Variants in GRIK4 observed in about 807,000 individuals in gnomAD.
GRIK4 encodes the protein glutamate receptor ionotropic, kainate 4.
Under a neutral mutation model 104.9 loss-of-function variants are expected in GRIK4, and 40 were observed. The observed-to-expected ratio is 0.38, with a 90% CI of 0.30 to 0.50. GRIK4 has a LOEUF of 0.50. Among genes scored for constraint, GRIK4 ranks in the 20% least tolerant of loss-of-function variants. GRIK4 has a pLI of 0.93. For missense variants in GRIK4, 1,047 were observed against 1,308.1 expected (o/e 0.80, Z 3.08); for synonymous variants, 485 against 524.9 (o/e 0.92, Z 1.04).
intron 3 of GRIK4, among the ~76,000 whole-genome samples, chr11:120,755,371 C>T (rs747734944): frequency 5.3e-5 from 8 of 152,098 alleles, no homozygotes; most frequent in South Asian, 2.1e-4. Flanking sequence ...CTTTGGAGGC[C>T]GATGTGGGAG....
chr11:120,710,319 G>A (rs377223876), intron 3 of GRIK4, among the ~76,000 whole-genome samples: 1 of 152,180 alleles, frequency 6.6e-6, no homozygotes, highest in African/African-American at 2.4e-5. Flanking sequence ...GCTGAGATGA[G>A]CTGGGCCGAG....
At position 120,952,859 on chromosome 11, in the gene GRIK4, G is replaced by T; in HGVS notation, c.1595G>T (p.Arg532Leu). The change falls in exon 15 of 21, where the codon CGC becomes CTC. Residue 532 changes from arginine (R) to leucine (L), a missense_variant. Physicochemically the swap from Arg to Leu is moderately radical, Grantham distance 102 (BLOSUM62 -2). This residue lies in a region of GRIK4 where 440 missense variants were observed against 652.3 expected (regional missense o/e 0.67). Transcript: ENST00000527524. The surrounding 1 kb of genome is among the most constrained non-coding windows in gnomAD (Gnocchi z 5.2). Reference sequence around the variant, plus strand: ...TGTTTTTCTCTCCATTTCCAGGGACGCAAACCCGGCTATTTCTCCTTCCTG... The same window carrying T: ...TGTTTTTCTCTCCATTTCCAGGGACTCAAACCCGGCTATTTCTCCTTCCTG... ...ISILYRVHMG[R>L]KPGYFSFLDP... The T allele has an allele frequency of 6.2e-7, 1 of 1,609,568 alleles. No homozygotes were observed. The highest frequency in any genetic ancestry group is 8.5e-7 in the Non-Finnish European group (1 of 1,175,874).
chr11:120,834,614 G>T (rs1023199413), intron 7 of GRIK4, among the ~76,000 whole-genome samples: 1 of 152,194 alleles, frequency 6.6e-6, no homozygotes, highest in Non-Finnish European at 1.5e-5. Flanking sequence ...AGGATGGGAA[G>T]CAGAGTGGGC....
chr11:120,905,625 C>T lies in GRIK4; in HGVS notation c.1476+132C>T, dbSNP rs1942852212. 1.4e-6 allele frequency: 1 copy of T among 699,978 alleles called. No individual in the cohort carries two copies. Among genetic ancestry groups the T allele is most frequent in the Non-Finnish European group, 2.5e-6 (1 of 400,996 alleles). 43.4% of individuals were successfully genotyped at this position (699,978 alleles called of 1,614,324 possible). A position where few individuals can be genotyped will look rare whatever the true frequency, so the allele number is the denominator to read the frequency against. On this transcript the variant is annotated intron_variant, in intron 13 of 20. Coordinates refer to ENST00000527524, the MANE Select transcript of GRIK4 (RefSeq NM_014619.5). This position sits in a 1 kb window ranked among gnomAD's most constrained non-coding sequence, Gnocchi z 5.1. ...TTCATGCATTTGTCATTTATTTGTC[C>T]ACTCATTCTATAAATCTTGCCTGGA...
chr11:120,600,028 C>T (rs151336980), intron 1 of GRIK4, among the ~76,000 whole-genome samples: 4,142 of 152,326 alleles, frequency 0.027, 70 homozygotes, highest in Middle Eastern at 0.037. Context: ...ATCAGAAAAG[C>T]TCTAGAAGCG....
intron 2 of GRIK4, among the ~76,000 whole-genome samples, chr11:120,658,556 C>A (rs904172966): frequency 2.0e-5 from 3 of 151,848 alleles, no homozygotes; most frequent in Admixed American, 6.6e-5. Flanking sequence ...TTTTTAAAAT[C>A]ATTATAGTGA....
chr11:120,840,622 G>C (rs1953688704), intron 8 of GRIK4, among the ~76,000 whole-genome samples: 1 of 152,058 alleles, frequency 6.6e-6, no homozygotes, highest in Non-Finnish European at 1.5e-5. Flanking sequence ...TGAGGCAGGG[G>C]GTCAAAAGTC....
At chr11:120,567,787 T>C (rs775738733) in intron 1 of GRIK4, among the ~76,000 whole-genome samples, 2 of 152,220 alleles carry the variant, frequency 1.3e-5, no homozygotes, top group Admixed American at 6.5e-5. Context: ...GTATGTCTTA[T>C]GTGACAGTGT....
intron 1 of GRIK4, among the ~76,000 whole-genome samples, chr11:120,640,139 G>A (rs993068038): frequency 6.6e-6 from 1 of 152,192 alleles, no homozygotes; most frequent in Non-Finnish European, 1.5e-5. Context: ...TAGCGTGAAA[G>A]CAAGTTTATT....
chr11:120,648,807 GAAACAAAC>G (rs112945166), intron 1 of GRIK4, among the ~76,000 whole-genome samples: 98,646 of 151,140 alleles, frequency 0.65, 32,251 homozygotes, highest in African/African-American at 0.7. Flanking sequence ...CTTTTTAAGT[GAAACAAAC>G]AAACAAACAA....
Position 120,738,537 on chromosome 11 carries a change from T to G in GRIK4, c.83-64156T>G, listed in dbSNP as rs758011326. ...TTCTGCTGAAGTCCATCACCGTTCATCCCCCACCCCCTACCCACCCTGTCT... is the reference window on the plus strand; with the variant it reads ...TTCTGCTGAAGTCCATCACCGTTCAGCCCCCACCCCCTACCCACCCTGTCT... On this transcript the variant is annotated intron_variant, in intron 3 of 20. Transcript: ENST00000527524. 3.3e-5 allele frequency among the ~76,000 whole-genome samples: 5 copies of G among 152,186 alleles called. 1 individual carries two copies. The Middle Eastern group carries it at 0.017, about 518-fold the overall frequency.
At chr11:120,960,630 T>C (rs191018171) in intron 16 of GRIK4, among the ~76,000 whole-genome samples, 1 of 152,364 alleles carries the variant, frequency 6.6e-6, no homozygotes, top group East Asian at 1.9e-4. Flanking sequence ...CTGTCTCATG[T>C]GCATGGACTA....
intron 1 of GRIK4, among the ~76,000 whole-genome samples, chr11:120,625,126 T>C (rs1235026597): frequency 2.6e-5 from 4 of 152,032 alleles, no homozygotes; most frequent in African/African-American, 9.7e-5. Flanking sequence ...ACTACAAAAA[T>C]TAGCCGGGCA....
chr11:120,802,110 C>G (rs761961411), intron 3 of GRIK4, among the ~76,000 whole-genome samples: 1 of 152,190 alleles, frequency 6.6e-6, no homozygotes, highest in Non-Finnish European at 1.5e-5. Flanking sequence ...TTGTCCTACT[C>G]TTTCTAATGT....
intron 9 of GRIK4, among the ~76,000 whole-genome samples, chr11:120,866,294 GAA>G (rs1379204968): frequency 1.3e-5 from 2 of 152,172 alleles, no homozygotes; most frequent in East Asian, 3.8e-4. Flanking sequence ...GGAAGCGGAG[GAA>G]AGCCCCTGAG....
Position 120,675,792 on chromosome 11 carries a change from A to C in GRIK4, c.82+15392A>C, listed in dbSNP as rs549995929. Among the ~76,000 whole-genome samples the C allele has an allele frequency of 2.6e-4, 39 of 152,310 alleles. No homozygotes were observed. In the South Asian group the frequency reaches 7.9e-3, roughly 31 times the overall value. On this transcript the variant is annotated intron_variant, in intron 3 of 20. Coordinates refer to ENST00000527524, the MANE Select transcript of GRIK4 (RefSeq NM_014619.5). ...GTTTACATGAGCTAATGTATGGAAA[A>C]TAGGTAGGACAGTGCCTGACAGTAG... is the stretch of plus-strand genomic sequence containing the variant.
At chr11:120,781,212 C>G (rs2135473641) in intron 3 of GRIK4, among the ~76,000 whole-genome samples, 1 of 151,044 alleles carries the variant, frequency 6.6e-6, no homozygotes, top group Non-Finnish European at 1.5e-5. Flanking sequence ...AATAGTCATC[C>G]TAATGGGTGT....
At chr11:120,698,964 T>TTCA (rs1950504538) in intron 3 of GRIK4, among the ~76,000 whole-genome samples, 1 of 152,230 alleles carries the variant, frequency 6.6e-6, no homozygotes, top group South Asian at 2.1e-4. Flanking sequence ...TCATAAATGT[T>TTCA]TCATCACTCT....
chr11:120,655,522 T>A (rs1949693131), intron 2 of GRIK4, among the ~76,000 whole-genome samples: 1 of 152,186 alleles, frequency 6.6e-6, no homozygotes, highest in Non-Finnish European at 1.5e-5. Context: ...GAGTGTGTCA[T>A]TATCAAGTTT....
Sources: gnomAD v4.1 joint callset for allele counts (sites outside exome capture counted in the v4.1 genomes callset) on GRCh38, gnomAD v4.1.1 for gene constraint, gnomAD v4.1.1 regional missense constraint, Gnocchi (gnomAD v3.1) non-coding constraint, MANE v1.5 for transcripts, NCBI Gene and HGNC (gene_info 2026-07-23, HGNC 2026-07-21) for gene names.